The following PRR15 variants were observed in gnomAD, a reference collection of about 807,000 sequenced individuals.
The protein encoded by PRR15 is proline rich 15.
In PRR15, 4 loss-of-function variants were observed where a neutral mutation model predicts 3.0. The observed-to-expected ratio is 1.34, with a 90% confidence interval of 0.66 to 3.08. PRR15 has a LOEUF of 3.08. Ranked by LOEUF, PRR15 falls within the 30% of genes most tolerant of loss-of-function variation. PRR15 has a pLI of 0.01. For missense variants in PRR15, 200 were observed against 179.5 expected (o/e 1.11, Z -0.65); for synonymous variants, 82 against 79.8 (o/e 1.03, Z -0.14).
In PRR15 at chr7:29,566,652, T is replaced by C; in HGVS notation, c.323T>C (p.Leu108Pro). 1 of 1,584,270 alleles carries C rather than the reference T, an allele frequency of 6.3e-7. No individual in the cohort carries two copies. The highest frequency in any genetic ancestry group is 1.1e-5 in the South Asian group (1 of 87,010). The change falls in exon 2 of 2, where the codon CTC becomes CCC. Residue 108 changes from leucine to proline, a missense_variant. By Grantham distance (98) the Leu-to-Pro change is moderately conservative. Transcript: ENST00000319694. ...AAGAGGAAAGTGCGCGCCACGCTGC[T>C]CCCGGAGGCGGGCAGGTCCCCGGAG... is the stretch of plus-strand genomic sequence containing the variant. ...KEKRKVRATL[L>P]PEAGRSPEEA...
rs940235774 is a variant in PRR15, at chr7:29,566,611, C to A, written c.282C>A (p.Ser94=). ...SSRRNLKISR[S]GRFKEKRKVR... ...GCCGCAATTTGAAGATCTCGCGCTC[C>A]GGCCGCTTTAAGGAGAAGAGGAAAG... Residue 94 remains serine (S), a synonymous_variant, in exon 2 of 2, where the codon TCC becomes TCA. Coordinates refer to ENST00000319694, the MANE Select transcript of PRR15 (RefSeq NM_175887.3). The A allele has an allele frequency of 1.2e-6, 2 of 1,604,498 alleles. No homozygotes were observed. The highest frequency in any genetic ancestry group is 2.7e-5 in the African/African-American group (2 of 74,658).
In PRR15 at chr7:29,566,412, C is replaced by T; in HGVS notation, c.83C>T (p.Ala28Val). The change falls in exon 2 of 2, where the codon GCA (alanine) becomes GTA (valine). Residue 28 changes from alanine to valine, a missense_variant. By Grantham distance (64) the Ala-to-Val change is moderately conservative. Transcript: ENST00000319694. ...AGCAGAAAGAAAAGCAAGGAAGCCG[C>T]AGTGGGGGTGCCGCCTCCCGCCCAG... ...TNSRKKSKEA[A>V]VGVPPPAQPA... 1.2e-6 allele frequency: 2 copies of T among 1,609,826 alleles called. No individual in the cohort carries two copies. The highest frequency in any genetic ancestry group is 1.7e-6 in the Non-Finnish European group (2 of 1,178,678).
Position 29,566,820 on chromosome 7 carries a change from A to C in PRR15, c.*101A>C. On this transcript the variant is annotated 3_prime_UTR_variant, in exon 2 of 2. Coordinates refer to ENST00000319694, the MANE Select transcript of PRR15 (RefSeq NM_175887.3). ...GGCCCGCCCCCTTACGCGTTGTCTC[A>C]TTCCACCAAATTCAGAATATTTACA... 22 of 1,140,714 alleles carry C rather than the reference A, an allele frequency of 1.9e-5. No homozygotes were observed. Among genetic ancestry groups the C allele is most frequent in the Non-Finnish European group, 2.7e-5 (22 of 822,712 alleles). The allele number at this position is 1,140,714 out of a possible 1,614,324, so 70.7% of individuals were successfully genotyped here.
At chr7:29,565,017 C>T (rs1792857648) in intron 1 of PRR15, among the ~76,000 whole-genome samples, 1 of 152,204 alleles carries the variant, frequency 6.6e-6, no homozygotes, top group Admixed American at 6.5e-5. Flanking sequence ...GAGCGCCCGG[C>T]GCGTGGGCTG....
intron 1 of PRR15, among the ~76,000 whole-genome samples, chr7:29,564,587 C>G (rs897744057): frequency 6.6e-6 from 1 of 152,204 alleles, no homozygotes; most frequent in Non-Finnish European, 1.5e-5. Flanking sequence ...CTTCCGTGCT[C>G]ACAAAGTTGA....
chr7:29,564,124 A>C lies in PRR15; in HGVS notation c.-399A>C, dbSNP rs372144092. On this transcript the variant is annotated 5_prime_UTR_variant, in exon 1 of 2. Coordinates refer to ENST00000319694, the MANE Select transcript of PRR15 (RefSeq NM_175887.3). ...CCTCGCCGCCGCCCCCTCCGACCAG[A>C]ACAGACTGCGCTGCGAGCCCCGGGC... The C allele has an allele frequency of 2.0e-5, 3 of 152,846 alleles. No individual in the cohort carries two copies. The East Asian group carries it at 5.8e-4, about 29-fold the overall frequency. 9.5% of individuals were successfully genotyped at this position (152,846 alleles called of 1,614,324 possible).
Position 29,566,515 on chromosome 7 carries a change from C to A in PRR15, c.186C>A (p.Pro62=). The A allele has an allele frequency of 6.2e-7, 1 of 1,603,814 alleles. No homozygotes were observed. Among genetic ancestry groups the A allele is most frequent in the East Asian group, 2.3e-5 (1 of 44,300 alleles). Residue 62 remains proline, a synonymous_variant, in exon 2 of 2, where the codon CCC becomes CCA. Coordinates refer to ENST00000319694, the MANE Select transcript of PRR15 (RefSeq NM_175887.3). ...GCAGCTCCCGGGAGAACCAGCACCC[C>A]AATCTCCTCGGGGGCGCCGGCGAGC... is the stretch of plus-strand genomic sequence containing the variant. ...WTSSSRENQH[P]NLLGGAGEPP...
In PRR15 at chr7:29,566,387, A is replaced by T. The variant is rs1446558138; in HGVS notation, c.58A>T (p.Ser20Cys). The T allele has an allele frequency of 6.2e-7, 1 of 1,611,168 alleles. No individual in the cohort carries two copies. The highest frequency in any genetic ancestry group is 8.5e-7 in the Non-Finnish European group (1 of 1,179,646). ...SGPWWKSLTN[S>C]RKKSKEAAVG... is the part of the protein sequence containing the mutation. ...CCCCTGGTGGAAATCGCTCACCAAC[A>T]GCAGAAAGAAAAGCAAGGAAGCCGC... The change falls in exon 2 of 2, where the codon AGC becomes TGC. Residue 20 changes from serine (S) to cysteine (C), a missense_variant. Transcript: ENST00000319694.
Position 29,566,447 on chromosome 7 carries a change from G to T in PRR15, c.118G>T (p.Gly40Trp). ...GCCGCCTCCCGCCCAGCCCGCTCCC[G>T]GGGAGCCCACGCCACCTGCGCCGCC... ...GVPPPAQPAP[G>W]EPTPPAPPSP... Residue 40 changes from glycine (G) to tryptophan (W), a missense_variant, in exon 2 of 2, where the codon GGG becomes TGG. Gly to Trp is a radical substitution (Grantham distance 184). Transcript: ENST00000319694. 1 of 1,603,234 alleles carries T rather than the reference G, an allele frequency of 6.2e-7. No homozygotes were observed. Among genetic ancestry groups the T allele is most frequent in the Non-Finnish European group, 8.5e-7 (1 of 1,175,300 alleles).
At position 29,566,639 on chromosome 7, in the gene PRR15, C is replaced by A; in HGVS notation, c.310C>A (p.Arg104Ser). ...CCGCTTTAAGGAGAAGAGGAAAGTG[C>A]GCGCCACGCTGCTCCCGGAGGCGGG... The part of the protein sequence containing the change: ...SGRFKEKRKV[R>S]ATLLPEAGRS... The change falls in exon 2 of 2, where the codon CGC (arginine) becomes AGC (serine). Residue 104 changes from arginine (R) to serine (S), a missense_variant. By Grantham distance (110) the Arg-to-Ser change is moderately radical (BLOSUM62 -1). Coordinates refer to ENST00000319694, the MANE Select transcript of PRR15 (RefSeq NM_175887.3). 1.3e-6 allele frequency: 2 copies of A among 1,592,228 alleles called. No individual in the cohort carries two copies. Among genetic ancestry groups the A allele is most frequent in the Non-Finnish European group, 8.5e-7 (1 of 1,169,716 alleles).
chr7:29,565,682 T>A (rs1792884918), intron 1 of PRR15: 1 of 152,274 alleles, frequency 6.6e-6, no homozygotes, highest in South Asian at 2.1e-4. Context: ...TTCGTGACTG[T>A]TTGACCATGG....
At position 29,566,362 on chromosome 7, in the gene PRR15, C is replaced by G; in HGVS notation, c.33C>G (p.Gly11=). The G allele has an allele frequency of 6.2e-7, 1 of 1,609,396 alleles. No individual in the cohort carries two copies. ...ACAGCGGCGATGCTGGCAGCTCCGG[C>G]CCCTGGTGGAAATCGCTCACCAACA... The part of the protein sequence containing the change: MADSGDAGSS[G]PWWKSLTNSR... Residue 11 remains glycine (G), a synonymous_variant, in exon 2 of 2, where the codon GGC becomes GGG. Transcript: ENST00000319694.
chr7:29,566,545 C>G lies in PRR15; in HGVS notation c.216C>G (p.Pro72=). The G allele has an allele frequency of 6.2e-7, 1 of 1,608,198 alleles. No individual in the cohort carries two copies. The change falls in exon 2 of 2, where the codon CCC becomes CCG. Residue 72 remains proline (P), a synonymous_variant. Coordinates refer to ENST00000319694, the MANE Select transcript of PRR15 (RefSeq NM_175887.3). ...PNLLGGAGEP[P]KPDKLYGDKS... Reference sequence around the variant, plus strand: ...TCCTCGGGGGCGCCGGCGAGCCCCCCAAACCAGACAAGTTATACGGGGACA... The same window carrying G: ...TCCTCGGGGGCGCCGGCGAGCCCCCGAAACCAGACAAGTTATACGGGGACA...
At chr7:29,565,665 G>A (rs1217847216) in intron 1 of PRR15, 1 of 152,252 alleles carries the variant, frequency 6.6e-6, no homozygotes, top group Non-Finnish European at 1.5e-5. Context: ...AAATCTTGGA[G>A]GGAAATTTCG....
chr7:29,565,172 C>T (rs1407331045), intron 1 of PRR15, among the ~76,000 whole-genome samples: 1 of 152,228 alleles, frequency 6.6e-6, no homozygotes, highest in Non-Finnish European at 1.5e-5. Context: ...CAGAAGCGGC[C>T]TTTCGCTCTG....
At position 29,566,182 on chromosome 7, in the gene PRR15, C is replaced by T. The variant is rs1179517396; in HGVS notation, c.-145-3C>T. On this transcript the variant is annotated splice_region_variant and splice_polypyrimidine_tract_variant and intron_variant, in intron 1 of 1. Coordinates refer to ENST00000319694, the MANE Select transcript of PRR15 (RefSeq NM_175887.3). ...AGTAACCAAGTTTTGTTTTCTTCCC[C>T]AGCACAGGCCGCTGCCTCAGCATCC... The T allele has an allele frequency of 2.1e-6, 2 of 973,896 alleles. No individual in the cohort carries two copies. Among genetic ancestry groups the T allele is most frequent in the South Asian group, 1.7e-5 (1 of 58,170 alleles). The allele number at this position is 973,896 out of a possible 1,614,324, so 60.3% of individuals were successfully genotyped here.
chr7:29,564,551 T>C (rs1317741347), intron 1 of PRR15, among the ~76,000 whole-genome samples, 174 bp downstream of exon 1: 1 of 152,170 alleles, frequency 6.6e-6, no homozygotes, highest in Non-Finnish European at 1.5e-5. Context: ...TTTGCCATCT[T>C]TTCCTTGCGC....
At position 29,566,579 on chromosome 7, in the gene PRR15, A is replaced by G. The variant is rs1262558743; in HGVS notation, c.250A>G (p.Ser84Gly). The G allele has an allele frequency of 3.7e-6, 6 of 1,608,208 alleles. No individual in the cohort carries two copies. Among genetic ancestry groups the G allele is most frequent in the Non-Finnish European group, 4.2e-6 (5 of 1,177,866 alleles). Reference sequence around the variant, plus strand: ...CAAGTTATACGGGGACAAATCCGGCAGCAGCCGCCGCAATTTGAAGATCTC... The same window carrying G: ...CAAGTTATACGGGGACAAATCCGGCGGCAGCCGCCGCAATTTGAAGATCTC... ...PDKLYGDKSG[S>G]SRRNLKISRS... Residue 84 changes from serine to glycine, a missense_variant, in exon 2 of 2, where the codon AGC becomes GGC. Coordinates refer to ENST00000319694, the MANE Select transcript of PRR15 (RefSeq NM_175887.3).
At position 29,566,509 on chromosome 7, in the gene PRR15, G is replaced by C; in HGVS notation, c.180G>C (p.Gln60His). Residue 60 changes from glutamine (Q) to histidine (H), a missense_variant, in exon 2 of 2, where the codon CAG (glutamine) becomes CAC (histidine). By Grantham distance (24) the Gln-to-His change is conservative. Transcript: ENST00000319694. ...PDWTSSSREN[Q>H]HPNLLGGAGE... ...GGACCAGCAGCTCCCGGGAGAACCA[G>C]CACCCCAATCTCCTCGGGGGCGCCG... is the stretch of plus-strand genomic sequence containing the variant. 1 of 1,602,812 alleles carries C rather than the reference G, an allele frequency of 6.2e-7. No homozygotes were observed. Among genetic ancestry groups the C allele is most frequent in the Non-Finnish European group, 8.5e-7 (1 of 1,174,968 alleles).
Sources: gnomAD v4.1 joint callset for allele counts (sites outside exome capture counted in the v4.1 genomes callset) on GRCh38, gnomAD v4.1.1 for gene constraint, MANE v1.5 for transcripts, NCBI Gene and HGNC (gene_info 2026-07-23, HGNC 2026-07-21) for gene names.